Variants in RHOF observed in about 807,000 individuals in gnomAD.
The protein encoded by RHOF is ras homolog family member F, filopodia associated, also known as rho-related GTP-binding protein RhoF.
RHOF carries 21 observed loss-of-function variants against 22.2 expected under a neutral mutation model. The observed-to-expected ratio is 0.95, with a 90% confidence interval of 0.67 to 1.36. RHOF has a LOEUF of 1.36. RHOF is among the 40% of genes most tolerant of loss of function. The pLI is 0.00. For synonymous variants in RHOF, 135 were observed against 131.2 expected, an observed-to-expected ratio of 1.03 and a Z score of -0.20; for missense variants, 285 against 293.7, an observed-to-expected ratio of 0.97 and a Z score of 0.22.
intron 2 of RHOF, among the ~76,000 whole-genome samples, chr12:121,787,488 G>A (rs567866195): frequency 2.6e-4 from 39 of 152,302 alleles, no homozygotes; most frequent in Middle Eastern, 3.4e-3. Flanking sequence ...CTTCCCAACC[G>A]GGAATTAACC....
chr12:121,788,629 G>A (rs565214315), intron 2 of RHOF, among the ~76,000 whole-genome samples: 9 of 152,282 alleles, frequency 5.9e-5, no homozygotes, highest in African/African-American at 2.2e-4. Context: ...GGGCAGGACT[G>A]TTCAGGGCAG....
rs1874826504 is a variant in RHOF, at chr12:121,793,608, T to C, written c.26A>G (p.Gln9Arg). MDAPGALAQTAAPGPGRKE... is the reference protein window; with the variant it reads MDAPGALARTAAPGPGRKE... ...CCTGCCCGGACCGGGGGCGGCGGTC[T>C]GGGCCAGGGCCCCGGGGGCATCCAT... The change falls in exon 1 of 5, where the codon CAG (glutamine) becomes CGG (arginine). Residue 9 changes from glutamine (Q) to arginine (R), a missense_variant. Coordinates refer to ENST00000267205, the MANE Select transcript of RHOF (RefSeq NM_019034.3). 1 of 1,549,924 alleles carries C rather than the reference T, an allele frequency of 6.5e-7. No homozygotes were observed. Among genetic ancestry groups the C allele is most frequent in the East Asian group, 2.4e-5 (1 of 42,004 alleles).
rs1247878254 is a variant in RHOF, at chr12:121,778,589, G to T, written c.*909C>A. On this transcript the variant is annotated 3_prime_UTR_variant, in exon 5 of 5. Coordinates refer to ENST00000267205, the MANE Select transcript of RHOF (RefSeq NM_019034.3). Reference sequence around the variant, plus strand: ...GAGAAACTGTCCCGCGTGGACAGGGGGTAGATCCCATCAGTTCTCAAAGGA... The same window carrying T: ...GAGAAACTGTCCCGCGTGGACAGGGTGTAGATCCCATCAGTTCTCAAAGGA... 6.6e-6 allele frequency: 1 copy of T among 152,128 alleles called. No homozygotes were observed. Among genetic ancestry groups the T allele is most frequent in the African/African-American group, 2.4e-5 (1 of 41,376 alleles). The allele number at this position is 152,128 out of a possible 1,614,324, so 9.4% of individuals were successfully genotyped here.
At chr12:121,790,140 AG>A (rs906898680) in intron 2 of RHOF, among the ~76,000 whole-genome samples, 1 of 152,132 alleles carries the variant, frequency 6.6e-6, no homozygotes, top group African/African-American at 2.4e-5. Flanking sequence ...CTACTTCCTC[AG>A]GAGGGAGACA....
At chr12:121,790,047 G>A (rs1225872140) in intron 2 of RHOF, among the ~76,000 whole-genome samples, 1 of 152,234 alleles carries the variant, frequency 6.6e-6, no homozygotes. Flanking sequence ...AGAGCAGTGA[G>A]TGCCATGGCC....
intron 2 of RHOF, among the ~76,000 whole-genome samples, chr12:121,786,596 G>A (rs1383003237): frequency 1.3e-5 from 2 of 152,154 alleles, no homozygotes; most frequent in African/African-American, 4.8e-5. Context: ...AGGGAGCAGT[G>A]TGGCTCCTTC....
At chr12:121,790,033 C>T (rs901287428) in intron 2 of RHOF, among the ~76,000 whole-genome samples, 4 of 152,318 alleles carry the variant, frequency 2.6e-5, no homozygotes, top group Non-Finnish European at 5.9e-5. Flanking sequence ...CCGGTGAGGC[C>T]GACAGAGCAG....
intron 2 of RHOF, among the ~76,000 whole-genome samples, chr12:121,784,171 C>T (rs1874548143): frequency 6.6e-6 from 1 of 152,048 alleles, no homozygotes; most frequent in Non-Finnish European, 1.5e-5. Flanking sequence ...TTGAGGATAA[C>T]TGCCTGCCCT....
Position 121,779,668 on chromosome 12 carries a change from T to TG in RHOF, c.472-7dup, listed in dbSNP as rs1484525434. The TG allele has an allele frequency of 6.2e-7, 1 of 1,613,256 alleles. No homozygotes were observed. The highest frequency in any genetic ancestry group is 8.5e-7 in the Non-Finnish European group (1 of 1,179,696). On this transcript the variant is annotated splice_polypyrimidine_tract_variant and splice_region_variant and intron_variant, in intron 4 of 4. Transcript: ENST00000267205. ...TGTTCGCAGGCGCTCAGGCCCTGGG[T>TG]GGGGGGAGGAGCCAGCATTAGGTGA...
Position 121,781,425 on chromosome 12 carries a change from C to T in RHOF, c.227-233G>A, listed in dbSNP as rs1592955678. On this transcript the variant is annotated intron_variant, in intron 2 of 4. Transcript: ENST00000267205. The stretch of plus-strand genomic sequence containing the variant: ...GGTCAAGGCTACAGTGAGCCGTGAT[C>T]ATGCCACTGCACTCCAGCCTGGGTG... The T allele has an allele frequency of 8.1e-6, 4 of 492,386 alleles. No individual in the cohort carries two copies. In the East Asian group the frequency reaches 1.1e-4, roughly 14 times the overall value. The allele number at this position is 492,386 out of a possible 1,614,324, so 30.5% of individuals were successfully genotyped here.
intron 2 of RHOF, among the ~76,000 whole-genome samples, chr12:121,785,534 C>T (rs1874585870): frequency 6.7e-6 from 1 of 149,154 alleles, no homozygotes; most frequent in Admixed American, 6.8e-5. Flanking sequence ...TCAAGTGGTT[C>T]TCCTGCCTCA....
At chr12:121,788,060 A>G (rs1874658263) in intron 2 of RHOF, among the ~76,000 whole-genome samples, 1 of 152,012 alleles carries the variant, frequency 6.6e-6, no homozygotes, top group Non-Finnish European at 1.5e-5. Flanking sequence ...ACTGTGTTAC[A>G]TGCCAGGTCT....
At position 121,785,247 on chromosome 12, in the gene RHOF, G is replaced by A. The variant is rs146908981; in HGVS notation, c.227-4055C>T. On this transcript the variant is annotated intron_variant, in intron 2 of 4. Transcript: ENST00000267205. ...GGTGGGATGCAGCAGGACAGCGCAC[G>A]ATCTCATCACGCTGCTCAGAGCAGT... is the stretch of plus-strand genomic sequence containing the variant. Among the ~76,000 whole-genome samples, 415 of 152,206 alleles carry A rather than the reference G, an allele frequency of 2.7e-3. 3 individuals carry two copies. The highest frequency in any genetic ancestry group is 9.4e-3 in the African/African-American group (392 of 41,508).
intron 2 of RHOF, chr12:121,781,493 G>T: frequency 2.9e-6 from 1 of 340,618 alleles, no homozygotes; most frequent in Non-Finnish European, 5.6e-6. Context: ...CCCATGAGCG[G>T]CAGCCCCCCA....
At chr12:121,779,853 C>T (rs1874383135) in intron 4 of RHOF, 191 bp from the exon 5 acceptor site, 1 of 619,252 alleles carries the variant, frequency 1.6e-6, no homozygotes. Flanking sequence ...GTGCAGCCCG[C>T]AGGTTGGAAG....
chr12:121,780,560 G>C, intron 4 of RHOF: 1 of 509,020 alleles, frequency 2.0e-6, no homozygotes, highest in Non-Finnish European at 3.5e-6. Flanking sequence ...CAGTGGATGG[G>C]ACCAGATCCT....
chr12:121,789,363 C>G (rs1874702910), intron 2 of RHOF, among the ~76,000 whole-genome samples: 1 of 152,056 alleles, frequency 6.6e-6, no homozygotes, highest in African/African-American at 2.4e-5. Flanking sequence ...GGCGGTGCGG[C>G]AGGGCTGGGC....
intron 2 of RHOF, among the ~76,000 whole-genome samples, chr12:121,789,654 G>C (rs927709713): frequency 6.6e-6 from 1 of 152,158 alleles, no homozygotes; most frequent in Non-Finnish European, 1.5e-5. Flanking sequence ...TTCCCAGGGA[G>C]ACAGGGGCTG....
chr12:121,784,037 T>G (rs564266665), intron 2 of RHOF, among the ~76,000 whole-genome samples: 118 of 152,290 alleles, frequency 7.7e-4, no homozygotes, highest in African/African-American at 2.7e-3. Flanking sequence ...AGCTCTCATG[T>G]CCCAGCCTTT....
Sources: gnomAD v4.1 joint callset for allele counts (sites outside exome capture counted in the v4.1 genomes callset) on GRCh38, gnomAD v4.1.1 for gene constraint, MANE v1.5 for transcripts, NCBI Gene and HGNC (gene_info 2026-07-23, HGNC 2026-07-21) for gene names.